Variants in RHD observed in about 807,000 individuals in gnomAD.
The protein encoded by RHD is Rh blood group D antigen, also known as blood group Rh(D) polypeptide.
RHD carries 16 observed loss-of-function variants against 45.5 expected under a neutral mutation model. The observed-to-expected ratio is 0.35, with a 90% CI of 0.24 to 0.53. RHD has a LOEUF of 0.53. Ranked by LOEUF, RHD falls within the 20% of genes least tolerant of loss-of-function variation. The pLI is 0.92. For synonymous variants in RHD, 131 were observed against 217.5 expected, an observed-to-expected ratio of 0.60 and a Z score of 3.50; for missense variants, 306 against 532.0, an observed-to-expected ratio of 0.58 and a Z score of 4.18.
Position 25,305,374 on chromosome 1 carries a change from A to ATATTTATTTATTTATT in RHD, c.940-1197_940-1182dup, listed in dbSNP as rs34347122. ...TTCCTGGGCTAGTTGAGGAGTCTGGATATTTATTTATTTATTTATTTATTT... is the reference window on the plus strand; with the variant it reads ...TTCCTGGGCTAGTTGAGGAGTCTGGATATTTATTTATTTATTTATTTATTTATTTATTTATTTATTT... On this transcript the variant is annotated intron_variant, in intron 6 of 9. Transcript: ENST00000328664. Among the ~76,000 whole-genome samples, 39 of 106,798 alleles carry ATATTTATTTATTTATT rather than the reference A, an allele frequency of 3.7e-4. 2 individuals are homozygous for ATATTTATTTATTTATT. Among genetic ancestry groups the ATATTTATTTATTTATT allele is most frequent in the African/African-American group, 1.1e-3 (37 of 32,472 alleles). 70.1% of individuals were successfully genotyped at this position (106,798 alleles called of 152,430 possible). A position where few individuals can be genotyped will look rare whatever the true frequency, so the allele number is the denominator to read the frequency against.
intron 6 of RHD, among the ~76,000 whole-genome samples, chr1:25,305,895 C>T (rs1263297452): frequency 3.0e-5 from 4 of 131,538 alleles, no homozygotes; most frequent in African/African-American, 7.9e-5. Context: ...AGCCACCGTG[C>T]CCAACCTGGA....
At chr1:25,300,535 C>G (rs576349731) in intron 3 of RHD, among the ~76,000 whole-genome samples, 1 of 126,312 alleles carries the variant, frequency 7.9e-6, no homozygotes, top group South Asian at 2.4e-4. Context: ...AAAGGCCAGG[C>G]GCAGTGGCTC....
chr1:25,320,983 G>A (rs1644667362), intron 8 of RHD, among the ~76,000 whole-genome samples: 1 of 131,514 alleles, frequency 7.6e-6, no homozygotes, highest in South Asian at 2.3e-4. Flanking sequence ...GTTTGAGGCT[G>A]CAATGAGCTG....
intron 8 of RHD, among the ~76,000 whole-genome samples, chr1:25,319,932 CTT>C (rs1343727449): frequency 1.5e-5 from 2 of 130,424 alleles, no homozygotes; most frequent in Admixed American, 7.5e-5. Flanking sequence ...CAGTTTTGCT[CTT>C]GTTGCCCAGG....
At chr1:25,314,964 G>A (rs1488065561) in intron 7 of RHD, among the ~76,000 whole-genome samples, 1 of 130,270 alleles carries the variant, frequency 7.7e-6, no homozygotes, top group African/African-American at 2.6e-5. Flanking sequence ...CAGCACTTTG[G>A]GAGGCTGAGG....
intron 3 of RHD, among the ~76,000 whole-genome samples, chr1:25,299,820 G>A (rs1353001600): frequency 7.6e-6 from 1 of 131,656 alleles, no homozygotes; most frequent in East Asian, 1.9e-4. Context: ...CGACATCTCA[G>A]CTCACTATAG....
intron 2 of RHD, among the ~76,000 whole-genome samples, chr1:25,289,820 T>C (rs1251622084): frequency 9.0e-6 from 1 of 111,390 alleles, no homozygotes; most frequent in Non-Finnish European, 2.2e-5. Flanking sequence ...AGATCATAAG[T>C]ACATTTTTTT....
chr1:25,314,067 G>A (rs1402621113), intron 7 of RHD, among the ~76,000 whole-genome samples: 3 of 132,208 alleles, frequency 2.3e-5, no homozygotes, highest in African/African-American at 7.7e-5. Flanking sequence ...TTTTATTTTT[G>A]GAGCACACGA....
In RHD at chr1:25,295,709, G is replaced by A. The variant is rs543374623; in HGVS notation, c.486+4918G>A. ...TGGAGAGAAAGGCTGAAGGGCAGGG[G>A]CTGACATCATCAGTGACCAAGAGGC... On this transcript the variant is annotated intron_variant, in intron 3 of 9. Coordinates refer to ENST00000328664, the MANE Select transcript of RHD (RefSeq NM_016124.6). Among the ~76,000 whole-genome samples the A allele has an allele frequency of 1.1e-3, 115 of 108,756 alleles. 33 individuals carry two copies. Among genetic ancestry groups the A allele is most frequent in the South Asian group, 3.7e-3 (14 of 3,750 alleles). The allele number at this position is 108,756 out of a possible 152,430, so 71.3% of individuals were successfully genotyped here. A position where few individuals can be genotyped will look rare whatever the true frequency, so the allele number is the denominator to read the frequency against.
rs1358831154 is a variant in RHD at position 25,282,561 on chromosome 1, A to G, written c.149-2012A>G. 1.5e-5 allele frequency among the ~76,000 whole-genome samples: 2 copies of G among 132,340 alleles called. 1 individual carries two copies. Among genetic ancestry groups the G allele is most frequent in the African/African-American group, 5.2e-5 (2 of 38,808 alleles). The allele number at this position is 132,340 out of a possible 152,430, so 86.8% of individuals were successfully genotyped here. ...TTTAGTGAGGTTTAATCTAATAGGA[A>G]ATGATAGAGCTGGGATCGAACAGAG... On this transcript the variant is annotated intron_variant, in intron 1 of 9. Transcript: ENST00000328664.
intron 3 of RHD, among the ~76,000 whole-genome samples, chr1:25,295,850 ATTTTTTTTTT>A (rs61131306): frequency 1.2e-5 from 1 of 81,320 alleles, no homozygotes; most frequent in African/African-American, 4.3e-5. Flanking sequence ...AATATGGGAA[ATTTTTTTTTT>A]TTTTTTTTTT....
intron 6 of RHD, among the ~76,000 whole-genome samples, chr1:25,305,608 T>TTGC (rs1391924984): frequency 7.9e-6 from 1 of 125,894 alleles, no homozygotes; most frequent in African/African-American, 2.8e-5. Context: ...GTTGTTGTTG[T>TTGC]TGTTGTTGTT....
chr1:25,272,747 C>G, intron 1 of RHD, 52 bp downstream of exon 1: 1 of 1,371,120 alleles, frequency 7.3e-7, no homozygotes, highest in South Asian at 1.2e-5. Context: ...GGGGCAGGGG[C>G]GGGGGAGGCC....
rs369054983 is a variant in RHD at position 25,321,456 on chromosome 1, T to A, written c.1154-433T>A. Among the ~76,000 whole-genome samples, 21 of 113,100 alleles carry A rather than the reference T, an allele frequency of 1.9e-4. 2 individuals carry two copies. Among genetic ancestry groups the A allele is most frequent in the Admixed American group, 5.4e-4 (6 of 11,098 alleles). The allele number at this position is 113,100 out of a possible 152,430, so 74.2% of individuals were successfully genotyped here. ...TGGGTGGATCACCTGAGGTCGGGAG[T>A]TCGAGACCAGCCTGGCCAACATGGT... On this transcript the variant is annotated intron_variant, in intron 8 of 9. Coordinates refer to ENST00000328664, the MANE Select transcript of RHD (RefSeq NM_016124.6).
In RHD at chr1:25,275,515, C is replaced by A. The variant is rs1315840679; in HGVS notation, c.148+2820C>A. On this transcript the variant is annotated intron_variant, in intron 1 of 9. Coordinates refer to ENST00000328664, the MANE Select transcript of RHD (RefSeq NM_016124.6). ...CGTGGAGGCTGTAGTGTAGTATTGA[C>A]CTGAGGACTTCAACATTCTGATGGT... Among the ~76,000 whole-genome samples the A allele has an allele frequency of 1.5e-5, 2 of 131,178 alleles. 1 individual carries two copies. The highest frequency in any genetic ancestry group is 5.2e-5 in the African/African-American group (2 of 38,488). 86.1% of individuals were successfully genotyped at this position (131,178 alleles called of 152,430 possible).
intron 2 of RHD, among the ~76,000 whole-genome samples, chr1:25,289,248 G>A (rs1642296105): frequency 7.5e-6 from 1 of 132,682 alleles, no homozygotes; most frequent in African/African-American, 2.6e-5. Flanking sequence ...AGGCTGGAGT[G>A]CAGTGGTGCA....
chr1:25,311,668 G>C (rs988841463), intron 7 of RHD, among the ~76,000 whole-genome samples: 3 of 129,954 alleles, frequency 2.3e-5, no homozygotes, highest in African/African-American at 8.0e-5. Context: ...AGAGCTCTAA[G>C]AGGGCAGAAT....
rs1180216042 is a variant in RHD at position 25,292,952 on chromosome 1, C to A, written c.486+2161C>A. Among the ~76,000 whole-genome samples the A allele has an allele frequency of 1.7e-5, 2 of 121,064 alleles. 1 individual carries two copies. Among genetic ancestry groups the A allele is most frequent in the African/African-American group, 5.6e-5 (2 of 35,474 alleles). 79.4% of individuals were successfully genotyped at this position (121,064 alleles called of 152,430 possible). ...AGAGGCAGGAGGAAGCCCAGGAGAG[C>A]GTGAGGTCCTGGAAGGCAAGGAAAG... On this transcript the variant is annotated intron_variant, in intron 3 of 9. Transcript: ENST00000328664.
chr1:25,285,177 C>T (rs1262076040), intron 2 of RHD, among the ~76,000 whole-genome samples: 1 of 130,870 alleles, frequency 7.6e-6, no homozygotes, highest in African/African-American at 2.7e-5. Context: ...TTTTGTTGCC[C>T]AGGCTGGAGT....
Sources: gnomAD v4.1 joint callset for allele counts (sites outside exome capture counted in the v4.1 genomes callset) on GRCh38, gnomAD v4.1.1 for gene constraint, MANE v1.5 for transcripts, NCBI Gene and HGNC (gene_info 2026-07-23, HGNC 2026-07-21) for gene names.